The following ZSCAN25 variants were observed in gnomAD, a reference collection of about 807,000 sequenced individuals.
The protein encoded by ZSCAN25 is zinc finger and SCAN domain containing 25, also known as zinc finger and SCAN domain-containing protein 25.
A neutral mutation model predicts 38.7 loss-of-function variants in ZSCAN25; 27 were observed. That is an observed-to-expected ratio of 0.70 (90% confidence interval 0.51 to 0.96). The LOEUF (loss-of-function observed/expected upper bound fraction) is 0.96. Ranked by LOEUF, ZSCAN25 falls within the 40% of genes least tolerant of loss-of-function variation. The probability of loss-of-function intolerance (pLI) is 0.00; values close to 1 mark genes in which losing one functional copy is unlikely to be tolerated. For missense variants in ZSCAN25, 637 were observed against 705.9 expected (o/e 0.90, Z 1.11); for synonymous variants, 273 against 277.7 (o/e 0.98, Z 0.17).
the ZSCAN25 span, among the ~76,000 whole-genome samples, chr7:99,723,035 A>T: frequency 2.4e-4 from 37 of 151,504 alleles, no homozygotes; most frequent in African/African-American, 8.5e-4. Flanking sequence ...CTTAAAAAAA[A>T]ACCTTCCTGT....
the ZSCAN25 span, chr7:99,708,982 T>A: frequency 1.2e-5 from 19 of 1,594,732 alleles, no homozygotes; most frequent in Admixed American, 1.7e-5. Flanking sequence ...AGAGGCAGAA[T>A]ATGCTTGAAC....
At chr7:99,648,307 A>G in the ZSCAN25 span, 4 of 1,611,022 alleles carry the variant, frequency 2.5e-6, no homozygotes, top group Non-Finnish European at 3.4e-6. Context: ...AGAATAACTC[A>G]TTCTCCACTT....
the ZSCAN25 span, among the ~76,000 whole-genome samples, chr7:99,719,040 T>C: frequency 6.6e-6 from 1 of 152,208 alleles, no homozygotes; most frequent in African/African-American, 2.4e-5. Flanking sequence ...TGTTCATGAA[T>C]TGAAAGACCA....
At chr7:99,725,765 G>A in the ZSCAN25 span, among the ~76,000 whole-genome samples, 2 of 152,178 alleles carry the variant, frequency 1.3e-5, no homozygotes, top group African/African-American at 2.4e-5. Flanking sequence ...CACCTCGGAA[G>A]CCCCCCGGAG....
At chr7:99,704,085 A>T in the ZSCAN25 span, among the ~76,000 whole-genome samples, 1 of 152,172 alleles carries the variant, frequency 6.6e-6, no homozygotes, top group Non-Finnish European at 1.5e-5. Context: ...CTTGTTGTCC[A>T]ATCAATTGAC....
chr7:99,652,665 C>T, the ZSCAN25 span: 2 of 1,614,144 alleles, frequency 1.2e-6, no homozygotes, highest in South Asian at 1.1e-5. Flanking sequence ...TTGATTTCAA[C>T]ATCTTTCTTG....
chr7:99,646,596 T>G, the ZSCAN25 span, among the ~76,000 whole-genome samples: 1 of 152,174 alleles, frequency 6.6e-6, no homozygotes, highest in African/African-American at 2.4e-5. Context: ...TTTTCTTACT[T>G]CCTGGCACAA....
chr7:99,635,366 TAAAC>T (rs534593712), downstream of ZSCAN25, among the ~76,000 whole-genome samples: 20 of 152,286 alleles, frequency 1.3e-4, no homozygotes, highest in South Asian at 3.7e-3. Context: ...CTGATGCAAT[TAAAC>T]AACTTCAGGA....
In ZSCAN25 at chr7:99,632,266, CTATT is replaced by C. The variant is rs1808060622; in HGVS notation, c.*2247_*2250del. 1 of 981,472 alleles carries C rather than the reference CTATT, an allele frequency of 1.0e-6. No homozygotes were observed. Among genetic ancestry groups the C allele is most frequent in the Non-Finnish European group, 1.2e-6 (1 of 826,484 alleles). The allele number at this position is 981,472 out of a possible 1,614,324, so 60.8% of individuals were successfully genotyped here. The stretch of plus-strand genomic sequence containing the variant: ...ATTGTGGTAGTCTGATTTTTCATAT[CTATT>C]CAAATGTTAAGAAATATTTTGTTTT... On this transcript the variant is annotated 3_prime_UTR_variant, in exon 8 of 8. Transcript: ENST00000394152.
chr7:99,676,698 C>A, the ZSCAN25 span: 1 of 551,974 alleles, frequency 1.8e-6, no homozygotes, highest in Non-Finnish European at 3.3e-6. Flanking sequence ...TTACAATTTG[C>A]TCAGAAATGT....
the ZSCAN25 span, chr7:99,709,229 C>T: frequency 6.2e-7 from 1 of 1,613,858 alleles, no homozygotes; most frequent in Non-Finnish European, 8.5e-7. Flanking sequence ...CAAGATACTC[C>T]AACTGTAGCA....
the ZSCAN25 span, among the ~76,000 whole-genome samples, chr7:99,732,361 T>G: frequency 6.6e-6 from 1 of 152,170 alleles, no homozygotes; most frequent in Non-Finnish European, 1.5e-5. Flanking sequence ...CAATTAAATC[T>G]CTTTCCTTTC....
At chr7:99,733,984 G>A in the ZSCAN25 span, among the ~76,000 whole-genome samples, 2 of 152,154 alleles carry the variant, frequency 1.3e-5, no homozygotes, top group African/African-American at 4.8e-5. Context: ...GAAAGGTGAG[G>A]TTATCTTATA....
At chr7:99,731,904 T>C in the ZSCAN25 span, among the ~76,000 whole-genome samples, 3 of 152,194 alleles carry the variant, frequency 2.0e-5, no homozygotes, top group Non-Finnish European at 2.9e-5. Flanking sequence ...ACTCATATTT[T>C]CCTGAATGAC....
the ZSCAN25 span, chr7:99,709,130 C>T: frequency 4.3e-6 from 7 of 1,614,016 alleles, no homozygotes; most frequent in African/African-American, 1.3e-5. Context: ...TGGGAATAAA[C>T]ATCCCATTGA....
Position 99,624,150 on chromosome 7 carries a change from G to A in ZSCAN25, c.775G>A (p.Val259Met), listed in dbSNP as rs1251314382. ...CCAGATAGACTGCTTTGGGGAGTAT[G>A]TGGAACCGCAGGACTGCAGGGTCTC... ...PAQIDCFGEYVEPQDCRVSPG... is the reference protein window; with the variant it reads ...PAQIDCFGEYMEPQDCRVSPG... The change falls in exon 7 of 8, where the codon GTG (valine) becomes ATG (methionine). Residue 259 changes from valine to methionine, a missense_variant. Physicochemically the swap from Val to Met is conservative, Grantham distance 21. Coordinates refer to ENST00000394152, the MANE Select transcript of ZSCAN25 (RefSeq NM_145115.3). 2 of 1,613,982 alleles carry A rather than the reference G, an allele frequency of 1.2e-6. No homozygotes were observed. Among genetic ancestry groups the A allele is most frequent in the Admixed American group, 3.3e-5 (2 of 60,030 alleles).
At chr7:99,729,461 T>C in the ZSCAN25 span, among the ~76,000 whole-genome samples, 1 of 152,192 alleles carries the variant, frequency 6.6e-6, no homozygotes, top group Non-Finnish European at 1.5e-5. Flanking sequence ...GCCCCAACAC[T>C]TTGCCACTAT....
At chr7:99,652,750 C>T in the ZSCAN25 span, 2 of 1,613,842 alleles carry the variant, frequency 1.2e-6, no homozygotes, top group Non-Finnish European at 1.7e-6. Flanking sequence ...GGTACTCCAT[C>T]TGTACCACGG....
chr7:99,690,149 A>G, the ZSCAN25 span, among the ~76,000 whole-genome samples: 1 of 152,258 alleles, frequency 6.6e-6, no homozygotes, highest in African/African-American at 2.4e-5. Context: ...AATGCCACAT[A>G]TCTACAACCA....
Sources: gnomAD v4.1 joint callset for allele counts (sites outside exome capture counted in the v4.1 genomes callset) on GRCh38, gnomAD v4.1.1 for gene constraint, MANE v1.5 for transcripts, NCBI Gene and HGNC (gene_info 2026-07-23, HGNC 2026-07-21) for gene names.